Variants in PIK3CB observed in about 807,000 individuals in gnomAD.
PIK3CB encodes the protein phosphatidylinositol-4,5-bisphosphate 3-kinase catalytic subunit beta, also known as phosphatidylinositol 4,5-bisphosphate 3-kinase catalytic subunit beta isoform.
Under a neutral mutation model 136.8 loss-of-function variants are expected in PIK3CB, and 39 were observed. The ratio of observed to expected loss-of-function variants is 0.29; its 90% CI spans 0.22 to 0.37. The LOEUF is 0.37. Ranked by LOEUF, PIK3CB falls within the 10% of genes least tolerant of loss-of-function variation. The pLI, the probability that PIK3CB is intolerant of heterozygous loss-of-function variation, is 1.00. For missense variants in PIK3CB, 868 were observed against 1,275.4 expected (o/e 0.68, Z 4.87); for synonymous variants, 428 against 436.6 (o/e 0.98, Z 0.25).
intron 3 of PIK3CB, 83 bp downstream of exon 3, chr3:138,759,090 A>G: frequency 2.3e-6 from 2 of 860,876 alleles, no homozygotes; most frequent in South Asian, 2.9e-5. Flanking sequence ...TATAATTTAC[A>G]TTAACATTTT....
intron 19 of PIK3CB, among the ~76,000 whole-genome samples, chr3:138,676,356 T>G (rs1159490539): frequency 6.6e-6 from 1 of 152,210 alleles, no homozygotes; most frequent in Non-Finnish European, 1.5e-5. Context: ...GGAACCTTTG[T>G]ACATTGCTGG....
intron 2 of PIK3CB, among the ~76,000 whole-genome samples, chr3:138,789,103 G>C (rs749548227): frequency 6.6e-6 from 1 of 151,692 alleles, no homozygotes; most frequent in African/African-American, 2.4e-5. Flanking sequence ...GGTATAGCCA[G>C]TATGGAAGAC....
intron 7 of PIK3CB, among the ~76,000 whole-genome samples, chr3:138,733,642 G>A (rs1165183807): frequency 6.6e-6 from 1 of 152,158 alleles, no homozygotes; most frequent in Non-Finnish European, 1.5e-5. Flanking sequence ...ACTTTGGGAG[G>A]CTGAGGCAGG....
intron 2 of PIK3CB, among the ~76,000 whole-genome samples, chr3:138,768,664 G>A (rs924240320): frequency 3.3e-5 from 5 of 152,138 alleles, no homozygotes; most frequent in African/African-American, 1.2e-4. Flanking sequence ...CCGCCTACAG[G>A]TCAGCGCCAA....
chr3:138,803,524 G>C (rs1387342358), intron 1 of PIK3CB, among the ~76,000 whole-genome samples: 1 of 152,118 alleles, frequency 6.6e-6, no homozygotes, highest in African/African-American at 2.4e-5. Context: ...CCAGTACCTT[G>C]ATGCTTAACA....
intron 19 of PIK3CB, among the ~76,000 whole-genome samples, chr3:138,679,221 G>T (rs2108469656): frequency 6.6e-6 from 1 of 152,132 alleles, no homozygotes; most frequent in East Asian, 1.9e-4. Flanking sequence ...AGTTTAATGA[G>T]AATATAGATC....
intron 16 of PIK3CB, 39 bp downstream of exon 16, chr3:138,688,836 C>CA (rs2108500346): frequency 5.2e-6 from 7 of 1,337,376 alleles, no homozygotes; most frequent in East Asian, 2.3e-5. Context: ...CGTTGTCTGT[C>CA]AAAAAAAGAA....
intron 2 of PIK3CB, chr3:138,770,494 G>A (rs373075450): frequency 7.0e-4 from 106 of 151,894 alleles, no homozygotes; most frequent in African/African-American, 2.5e-3. Context: ...CGGATCACGA[G>A]GTCAGGAGAT....
chr3:138,781,761 A>C (rs1351910352), intron 2 of PIK3CB, among the ~76,000 whole-genome samples: 1 of 151,976 alleles, frequency 6.6e-6, no homozygotes. Flanking sequence ...GGCCCAAAAA[A>C]TTTTTTTAAT....
chr3:138,759,925 A>ATT (rs891692962), intron 2 of PIK3CB, among the ~76,000 whole-genome samples: 4 of 144,976 alleles, frequency 2.8e-5, no homozygotes, highest in Non-Finnish European at 3.1e-5. Flanking sequence ...TACAAGGACA[A>ATT]TTTTTTTTTT....
intron 8 of PIK3CB, 66 bp downstream of exon 8, chr3:138,733,295 G>A (rs2108639614): frequency 1.5e-6 from 1 of 663,932 alleles, no homozygotes; most frequent in Non-Finnish European, 2.7e-6. Flanking sequence ...TGACATTATT[G>A]AGCATATCAG....
rs78199547 is a variant in PIK3CB, at chr3:138,799,511, A to C, written c.-121-2944T>G. Among the ~76,000 whole-genome samples, 1,299 of 152,112 alleles carry C rather than the reference A, an allele frequency of 8.5e-3. 25 individuals carry two copies. Among genetic ancestry groups the C allele is most frequent in the African/African-American group, 0.028 (1,176 of 41,492 alleles). On this transcript the variant is annotated intron_variant, in intron 1 of 23. Transcript: ENST00000674063. Reference sequence around the variant, plus strand: ...GAATGTACCTTGTACAGCATAAATCATATCACTGGAGTGATCTGCTTAAAA... The same window carrying C: ...GAATGTACCTTGTACAGCATAAATCCTATCACTGGAGTGATCTGCTTAAAA...
chr3:138,698,961 T>G lies in PIK3CB; in HGVS notation c.1716A>C (p.Ser572=). The G allele has an allele frequency of 6.2e-7, 1 of 1,602,550 alleles. No individual in the cohort carries two copies. Among genetic ancestry groups the G allele is most frequent in the Non-Finnish European group, 8.5e-7 (1 of 1,172,194 alleles). The change falls in exon 13 of 24, where the codon TCA becomes TCC. Residue 572 remains serine (S), a synonymous_variant. Transcript: ENST00000674063. ...TGATTGACAGCAGTAATTTTGGCAG[T>G]GATTGTGGGAAAATCTCTCGGCAGT... ...RQDCREIFPQ[S]LPKLLLSIKW...
intron 1 of PIK3CB, among the ~76,000 whole-genome samples, chr3:138,810,301 T>C (rs952491899): frequency 2.0e-5 from 3 of 152,154 alleles, no homozygotes; most frequent in African/African-American, 4.8e-5. Context: ...CGCCCCACTC[T>C]TTAAGTGTGA....
intron 16 of PIK3CB, among the ~76,000 whole-genome samples, chr3:138,688,394 G>A (rs1355453901): frequency 1.3e-5 from 2 of 151,502 alleles, no homozygotes; most frequent in Admixed American, 6.6e-5. Context: ...CCAGCTACTC[G>A]GGAGGCTGAG....
chr3:138,662,289 G>A (rs1483188097), intron 21 of PIK3CB, among the ~76,000 whole-genome samples: 1 of 121,222 alleles, frequency 8.2e-6, no homozygotes, highest in Non-Finnish European at 1.6e-5. Flanking sequence ...AGTCCCCAGA[G>A]TGTGATGTTC....
chr3:138,669,430 G>A (rs1481317514), intron 19 of PIK3CB, among the ~76,000 whole-genome samples: 2 of 144,748 alleles, frequency 1.4e-5, no homozygotes, highest in African/African-American at 2.5e-5. Context: ...AAAAAAAGGG[G>A]GGGGGGATGT....
intron 8 of PIK3CB, among the ~76,000 whole-genome samples, chr3:138,726,448 A>C (rs1377212513): frequency 6.6e-6 from 1 of 152,142 alleles, no homozygotes; most frequent in Non-Finnish European, 1.5e-5. Flanking sequence ...CTATAATTGA[A>C]ACGGACATTC....
intron 5 of PIK3CB, among the ~76,000 whole-genome samples, chr3:138,739,013 T>C (rs1457897947): frequency 6.6e-6 from 1 of 152,228 alleles, no homozygotes; most frequent in Non-Finnish European, 1.5e-5. Flanking sequence ...TGCCATAGAC[T>C]GAATGTTTGT....
Sources: allele counts gnomAD v4.1 joint callset (sites outside exome capture counted in the v4.1 genomes callset), GRCh38; gene constraint gnomAD v4.1.1; transcripts MANE v1.5; gene names NCBI Gene and HGNC (gene_info 2026-07-23, HGNC 2026-07-21).